RANBP9: variants seen among roughly 807,000 people sequenced by gnomAD.
RANBP9 encodes the protein ran-binding protein 9.
Under a neutral mutation model 84.3 loss-of-function variants are expected in RANBP9, and 15 were observed. The observed-to-expected ratio is 0.18, with a 90% CI of 0.12 to 0.27. The LOEUF is 0.27. RANBP9 is among the 10% of genes least tolerant of loss of function. The pLI is 1.00. For synonymous variants in RANBP9, 392 were observed against 349.6 expected, an observed-to-expected ratio of 1.12 and a Z score of -1.35; for missense variants, 809 against 912.8, an observed-to-expected ratio of 0.89 and a Z score of 1.46.
rs1765092111 is a variant in RANBP9, at chr6:13,642,576, A to G, written c.1128T>C (p.Tyr376=). The G allele has an allele frequency of 2.5e-6, 4 of 1,605,698 alleles. No homozygotes were observed. In the African/African-American group the frequency reaches 4.0e-5, roughly 16 times the overall value. The change falls in exon 7 of 14, where the codon TAT becomes TAC. Residue 376 remains tyrosine, a synonymous_variant. Coordinates refer to ENST00000011619, the MANE Select transcript of RANBP9 (RefSeq NM_005493.3). ...QTMIQKMVSS[Y]LVHHGYCATA... ...TGGCACAGTACCCATGGTGGACTAAATAAGATGAAACCATTCTTAAAATAA... is the reference window on the plus strand; with the variant it reads ...TGGCACAGTACCCATGGTGGACTAAGTAAGATGAAACCATTCTTAAAATAA...
At chr6:13,678,070 A>T (rs1366716579) in intron 2 of RANBP9, among the ~76,000 whole-genome samples, 3 of 152,208 alleles carry the variant, frequency 2.0e-5, no homozygotes, top group Non-Finnish European at 2.9e-5. Flanking sequence ...GTGAACAGTG[A>T]TCACGTCACT....
At chr6:13,635,534 G>A (rs556106057) in intron 10 of RANBP9, among the ~76,000 whole-genome samples, 11 of 151,596 alleles carry the variant, frequency 7.3e-5, no homozygotes, top group South Asian at 6.2e-4. Flanking sequence ...ACCACTATGC[G>A]TAATACCACC....
intron 5 of RANBP9, among the ~76,000 whole-genome samples, chr6:13,650,158 GTTTT>G (rs1196217631): frequency 3.5e-5 from 5 of 143,798 alleles, no homozygotes; most frequent in African/African-American, 7.7e-5. Context: ...TTGTTGTTGT[GTTTT>G]TTTGTTTTTT....
Position 13,711,099 on chromosome 6 carries a change from C to G in RANBP9, c.407G>C (p.Gly136Ala). Reference sequence around the variant, plus strand: ...CTCCTGCTCGTTCAGGGCCGAGTCCCCGTGAGGGAAGGGGGCCGCGGCGCT... The same window carrying G: ...CTCCTGCTCGTTCAGGGCCGAGTCCGCGTGAGGGAAGGGGGCCGCGGCGCT... ...GSSAAAPFPH[G>A]DSALNEQEKE... The change falls in exon 1 of 14, where the codon GGG becomes GCG. Residue 136 changes from glycine (G) to alanine (A), a missense_variant. By Grantham distance (60) the Gly-to-Ala change is moderately conservative. Around this residue, in one of 5 missense-constraint regions of RANBP9, gnomAD observed 302 missense variants for 240.1 expected, o/e 1.26. Coordinates refer to ENST00000011619, the MANE Select transcript of RANBP9 (RefSeq NM_005493.3). The G allele has an allele frequency of 1.9e-6, 3 of 1,567,278 alleles. No homozygotes were observed. Among genetic ancestry groups the G allele is most frequent in the Non-Finnish European group, 2.6e-6 (3 of 1,156,658 alleles).
chr6:13,634,513 T>G lies in RANBP9; in HGVS notation c.1713A>C (p.Gly571=), dbSNP rs771291632. 3.3e-5 allele frequency: 53 copies of G among 1,612,610 alleles called. No individual in the cohort carries two copies. Among genetic ancestry groups the G allele is most frequent in the Non-Finnish European group, 4.2e-5 (49 of 1,178,886 alleles). ...VDMETDHYSN[G]VGETSSNGFL... ...AACCATTGGATGAAGTTTCTCCAAC[T>G]CCATTGGAGTAGTGATCTGTTTCCA... The change falls in exon 11 of 14, where the codon GGA becomes GGC. Residue 571 remains glycine (G), a synonymous_variant. Transcript: ENST00000011619.
At chr6:13,638,890 A>G (rs1765001703) in intron 9 of RANBP9, among the ~76,000 whole-genome samples, 2 of 152,314 alleles carry the variant, frequency 1.3e-5, no homozygotes, top group East Asian at 3.9e-4. Flanking sequence ...GCGGCAGCCC[A>G]GCTAGATGTG....
At chr6:13,688,840 A>C (rs146033579) in intron 2 of RANBP9, among the ~76,000 whole-genome samples, 3 of 151,926 alleles carry the variant, frequency 2.0e-5, no homozygotes, top group African/African-American at 7.2e-5. Context: ...CAGGTATCAT[A>C]TATCTTCCCT....
At chr6:13,637,084 T>C (rs1764956199) in intron 10 of RANBP9, among the ~76,000 whole-genome samples, 1 of 152,184 alleles carries the variant, frequency 6.6e-6, no homozygotes, top group Non-Finnish European at 1.5e-5. Flanking sequence ...TACTGCACAG[T>C]AGTATTTAAT....
At chr6:13,659,253 C>T (rs1012002583) in intron 2 of RANBP9, among the ~76,000 whole-genome samples, 1 of 107,096 alleles carries the variant, frequency 9.3e-6, no homozygotes, top group South Asian at 3.1e-4. Context: ...CACACACACA[C>T]ACATACACAC....
In RANBP9 at chr6:13,680,252, C is replaced by A. The variant is rs183980360; in HGVS notation, c.683+16533G>T. 7.4e-4 allele frequency among the ~76,000 whole-genome samples: 113 copies of A among 152,012 alleles called. 1 individual carries two copies. The highest frequency in any genetic ancestry group is 7.1e-3 in the Admixed American group (108 of 15,274). ...AATGGAACAGAACAAATACTGAAAA[C>A]CATCATACGAAAAAACTTTTCTGAA... On this transcript the variant is annotated intron_variant, in intron 2 of 13. Transcript: ENST00000011619.
intron 1 of RANBP9, among the ~76,000 whole-genome samples, chr6:13,699,846 T>G (rs1757923530): frequency 6.6e-6 from 1 of 152,008 alleles, no homozygotes; most frequent in Non-Finnish European, 1.5e-5. Context: ...AGCAATAGAG[T>G]GAGACTCTGT....
intron 5 of RANBP9, among the ~76,000 whole-genome samples, chr6:13,645,511 G>T (rs1209275206): frequency 6.6e-6 from 1 of 152,144 alleles, no homozygotes; most frequent in Non-Finnish European, 1.5e-5. Context: ...TACATCTAAA[G>T]GCAGAATGAG....
intron 2 of RANBP9, among the ~76,000 whole-genome samples, chr6:13,669,149 T>C (rs1300291178): frequency 6.6e-6 from 1 of 151,510 alleles, no homozygotes; most frequent in African/African-American, 2.4e-5. Context: ...AAAAAAAGAA[T>C]ACTTAGGAAT....
intron 4 of RANBP9, among the ~76,000 whole-genome samples, chr6:13,655,435 C>T (rs1393404655): frequency 6.6e-6 from 1 of 152,090 alleles, no homozygotes; most frequent in African/African-American, 2.4e-5. Flanking sequence ...TCACTGTACT[C>T]CTGCCTTGGC....
At chr6:13,663,319 GTTA>G (rs930389012) in intron 2 of RANBP9, among the ~76,000 whole-genome samples, 1 of 151,954 alleles carries the variant, frequency 6.6e-6, no homozygotes, top group Admixed American at 6.6e-5. Context: ...AACACAAAAT[GTTA>G]TTTTCAAGAG....
chr6:13,701,808 A>G (rs1014813298), intron 1 of RANBP9, among the ~76,000 whole-genome samples: 4 of 151,400 alleles, frequency 2.6e-5, no homozygotes, highest in Admixed American at 1.3e-4. Flanking sequence ...ACGAGAGGCC[A>G]TTAGCTATGG....
intron 2 of RANBP9, among the ~76,000 whole-genome samples, chr6:13,687,075 C>T (rs1026620899): frequency 6.7e-6 from 1 of 150,244 alleles, no homozygotes; most frequent in Non-Finnish European, 1.5e-5. Flanking sequence ...AGACGAATTC[C>T]CTCCTTCTAT....
intron 12 of RANBP9, among the ~76,000 whole-genome samples, chr6:13,629,919 CTCGTGTGTGT>C (rs1764731445): frequency 7.7e-6 from 1 of 129,966 alleles, no homozygotes; most frequent in African/African-American, 3.0e-5. Context: ...CTCTCTCTCT[CTCGTGTGTGT>C]GTGTGTGTGT....
chr6:13,695,903 T>G (rs1766433309), intron 2 of RANBP9, among the ~76,000 whole-genome samples: 1 of 152,196 alleles, frequency 6.6e-6, no homozygotes, highest in African/African-American at 2.4e-5. Context: ...GGGGTTTGAT[T>G]TGAGGTCCAT....
Sources: allele counts gnomAD v4.1 joint callset (sites outside exome capture counted in the v4.1 genomes callset), GRCh38; gene constraint gnomAD v4.1.1; regional missense constraint gnomAD v4.1.1; transcripts MANE v1.5; gene names NCBI Gene and HGNC (gene_info 2026-07-23, HGNC 2026-07-21).